Variants in CRLF2 observed in about 807,000 individuals in gnomAD.
The protein encoded by CRLF2 is cytokine receptor-like factor 2.
A neutral mutation model predicts 38.7 loss-of-function variants in CRLF2; 41 were observed. That is an observed-to-expected ratio of 1.06 (90% CI 0.83 to 1.37). The LOEUF is 1.37. Among genes scored for constraint, CRLF2 ranks in the 40% most tolerant of loss-of-function variants. The pLI, the probability that CRLF2 is intolerant of heterozygous loss-of-function variation, is 0.00. For missense variants in CRLF2, 377 were observed against 322.2 expected (o/e 1.17, Z -1.30); for synonymous variants, 140 against 128.8 (o/e 1.09, Z -0.59).
chrX:1,198,757 AC>A, intron 4 of CRLF2, 33 bp from the exon 5 acceptor site: 1 of 1,374,928 alleles, frequency 7.3e-7, no homozygotes, highest in Non-Finnish European at 1.0e-6. Flanking sequence ...ACACACACAC[AC>A]ACACACACAC....
At chrX:1,212,139 T>C (rs1430297727) in intron 1 of CRLF2, among the ~76,000 whole-genome samples, 1 of 151,024 alleles carries the variant, frequency 6.6e-6, no homozygotes, top group Non-Finnish European at 1.5e-5. Flanking sequence ...GATCAATGAA[T>C]AATAGATGGA....
At chrX:1,210,113 AAAGAAAAGAAAAGAAAAG>A (rs2086769658) in intron 1 of CRLF2, among the ~76,000 whole-genome samples, 4 of 94,964 alleles carry the variant, frequency 4.2e-5, no homozygotes, top group African/African-American at 5.7e-5. Flanking sequence ...CAAAAAAAAA[AAAGAAAAGAAAAGAAAAG>A]AAAAGAAAAG....
At chrX:1,197,755 A>G (rs763633792) in intron 5 of CRLF2, among the ~76,000 whole-genome samples, 233 of 152,040 alleles carry the variant, frequency 1.5e-3, no homozygotes, top group Non-Finnish European at 1.9e-3. Context: ...CGGAGGTTGC[A>G]GTGAGCCAAG....
At chrX:1,201,808 TTAGA>T (rs1315746741) in intron 4 of CRLF2, among the ~76,000 whole-genome samples, 3 of 149,570 alleles carry the variant, frequency 2.0e-5, no homozygotes, top group South Asian at 4.2e-4. Flanking sequence ...GGGTAGGTAG[TTAGA>T]TAGAGATGAT....
rs193062845 is a variant in CRLF2 at position 1,206,731 on chromosome X, C to T, written c.183-132G>A. ...GATCTCAGCTCACTGCAACCTCTGCCTCCCGGGTTCAAGCAATTCTCCTGT... is the reference window on the plus strand; with the variant it reads ...GATCTCAGCTCACTGCAACCTCTGCTTCCCGGGTTCAAGCAATTCTCCTGT... On this transcript the variant is annotated intron_variant, in intron 2 of 7. Coordinates refer to ENST00000400841, the MANE Select transcript of CRLF2 (RefSeq NM_022148.4). The T allele has an allele frequency of 7.4e-4, 584 of 783,958 alleles. 1 individual carries two copies. The African/African-American group carries it at 9.1e-3, about 12-fold the overall frequency. 48.6% of individuals were successfully genotyped at this position (783,958 alleles called of 1,614,324 possible).
intron 7 of CRLF2, among the ~76,000 whole-genome samples, chrX:1,192,174 C>T (rs1377387377): frequency 1.5e-5 from 2 of 136,592 alleles, no homozygotes; most frequent in African/African-American, 5.6e-5. Context: ...CACTGCACTC[C>T]AGCCTGGGCG....
Position 1,190,940 on chromosome X carries a change from C to T in CRLF2, c.1073G>A (p.Gly358Asp). The T allele has an allele frequency of 2.5e-6, 1 of 398,722 alleles. No homozygotes were observed. The allele number at this position is 398,722 out of a possible 1,614,324, so 24.7% of individuals were successfully genotyped here. Reference sequence around the variant, plus strand: ...GCGGTCATTCATCACAAAGGTGAAGCCCCCGATTGTGACCACATCACCGCC... The same window carrying T: ...GCGGTCATTCATCACAAAGGTGAAGTCCCCGATTGTGACCACATCACCGCC... ...LQGGDVVTIG[G>D]FTFVMNDRSY... Residue 358 changes from glycine (G) to aspartate (D), a missense_variant, in exon 8 of 8, where the codon GGC (glycine) becomes GAC (aspartate). Physicochemically the swap from Gly to Asp is moderately conservative, Grantham distance 94. Transcript: ENST00000400841.
Position 1,208,882 on chromosome X carries a change from A to C in CRLF2, c.106T>G (p.Tyr36Asp). 6.2e-7 allele frequency: 1 copy of C among 1,609,482 alleles called. No individual in the cohort carries two copies. The highest frequency in any genetic ancestry group is 8.5e-7 in the Non-Finnish European group (1 of 1,175,766). ...AAEGVQIQII[Y>D]FNLETVQVTW... ...ACCTGCACGGTTTCTAAATTGAAGT[A>C]GATGATCTGAATCTGTACTCCTTCT... Residue 36 changes from tyrosine (Y) to aspartate (D), a missense_variant, in exon 2 of 8, where the codon TAC becomes GAC. Physicochemically the swap from Tyr to Asp is radical, Grantham distance 160. Coordinates refer to ENST00000400841, the MANE Select transcript of CRLF2 (RefSeq NM_022148.4).
chrX:1,201,136 A>G (rs2147838808), intron 4 of CRLF2, among the ~76,000 whole-genome samples: 1 of 152,278 alleles, frequency 6.6e-6, no homozygotes, highest in African/African-American at 2.4e-5. Flanking sequence ...TAGAGAAGGT[A>G]CAGGAAAAAT....
intron 1 of CRLF2, among the ~76,000 whole-genome samples, chrX:1,209,733 A>G (rs2086762125): frequency 1.3e-5 from 2 of 152,140 alleles, no homozygotes; most frequent in Non-Finnish European, 2.9e-5. Context: ...TCCCCTGTGG[A>G]TACCTAAGGT....
intron 7 of CRLF2, among the ~76,000 whole-genome samples, chrX:1,191,423 A>G (rs2086379499): frequency 6.8e-6 from 1 of 146,638 alleles, no homozygotes; most frequent in African/African-American, 2.5e-5. Context: ...AAACAACACC[A>G]TTCCCAATGG....
At chrX:1,196,611 A>G (rs2086480028) in intron 6 of CRLF2, among the ~76,000 whole-genome samples, 169 bp downstream of exon 6, 1 of 151,972 alleles carries the variant, frequency 6.6e-6, no homozygotes, top group South Asian at 2.1e-4. Context: ...GTGAGCCACC[A>G]TGCCCAGCCC....
intron 6 of CRLF2, among the ~76,000 whole-genome samples, chrX:1,193,643 G>T (rs1224549697): frequency 6.6e-6 from 1 of 151,898 alleles, no homozygotes; most frequent in Non-Finnish European, 1.5e-5. Flanking sequence ...TTAGCCGGGC[G>T]TGGTGGTGGG....
At chrX:1,193,407 C>T (rs2086427438) in intron 6 of CRLF2, 105 bp from the exon 7 acceptor site, 2 of 397,090 alleles carry the variant, frequency 5.0e-6, no homozygotes, top group East Asian at 7.1e-5. Context: ...CCAAGAATGG[C>T]AGAGCGGGGC....
chrX:1,198,803 G>A (rs2086549372), intron 4 of CRLF2, 79 bp from the exon 5 acceptor site: 6 of 1,336,740 alleles, frequency 4.5e-6, no homozygotes, highest in Non-Finnish European at 6.3e-6. Flanking sequence ...GATGTAACCT[G>A]TCTGTCCAGA....
chrX:1,192,123 T>C (rs1471231533), intron 7 of CRLF2, among the ~76,000 whole-genome samples: 1 of 140,520 alleles, frequency 7.1e-6, no homozygotes, highest in East Asian at 2.2e-4. Flanking sequence ...GAGAATGGCG[T>C]GAACCCGGGA....
chrX:1,194,448 T>C (rs1429235980), intron 6 of CRLF2, among the ~76,000 whole-genome samples: 82,399 of 151,708 alleles, frequency 0.54, 22,828 homozygotes, highest in East Asian at 0.71. Context: ...GGTGACAGAG[T>C]GAGACTCAGT....
In CRLF2 at chrX:1,192,746, TTCTTTC is replaced by T. The variant is rs1202269688; in HGVS notation, c.852+466_852+471del. ...TTTCTTTCTTTCTTTCTTTCTTTCT[TTCTTTC>T]TTTCTTTCTTTCTTTCCTTCCTTCC... On this transcript the variant is annotated intron_variant, in intron 7 of 7. Coordinates refer to ENST00000400841, the MANE Select transcript of CRLF2 (RefSeq NM_022148.4). 1.7e-4 allele frequency among the ~76,000 whole-genome samples: 24 copies of T among 144,534 alleles called. No individual in the cohort carries two copies. The Admixed American group carries it at 1.7e-3, about 10-fold the overall frequency. 94.8% of individuals were successfully genotyped at this position (144,534 alleles called of 152,430 possible).
In CRLF2 at chrX:1,204,980, G is replaced by A. The variant is rs189702557; in HGVS notation, c.349+1453C>T. On this transcript the variant is annotated intron_variant, in intron 3 of 7. Transcript: ENST00000400841. ...GATTACAGGCATGCGCCACCAGCCC[G>A]GCTAATTTTTTGTTTGTTTGTTTGT... Among the ~76,000 whole-genome samples the A allele has an allele frequency of 5.6e-4, 84 of 150,646 alleles. 1 individual carries two copies. The highest frequency in any genetic ancestry group is 1.5e-3 in the South Asian group (7 of 4,782).
Sources: allele counts gnomAD v4.1 joint callset (sites outside exome capture counted in the v4.1 genomes callset), GRCh38; gene constraint gnomAD v4.1.1; transcripts MANE v1.5; gene names NCBI Gene and HGNC (gene_info 2026-07-23, HGNC 2026-07-21).